The following PCDH15 variants were observed in gnomAD, a reference collection of about 807,000 sequenced individuals.
PCDH15 encodes the protein protocadherin-15.
A neutral mutation model predicts 178.5 loss-of-function variants in PCDH15; 129 were observed. The ratio of observed to expected loss-of-function variants is 0.72; its 90% CI spans 0.63 to 0.84. The LOEUF is 0.84. Ranked by LOEUF, PCDH15 falls within the 40% of genes least tolerant of loss-of-function variation. The probability of loss-of-function intolerance (pLI) is 0.00; values close to 1 mark genes in which losing one functional copy is unlikely to be tolerated. For synonymous variants in PCDH15, 800 were observed against 732.0 expected (o/e 1.09, Z -1.50); for missense variants, 2,230 against 2,099.9 (o/e 1.06, Z -1.21).
chr10:54,022,463 CAT>C (rs34403094), intron 19 of PCDH15, among the ~76,000 whole-genome samples: 46 of 151,118 alleles, frequency 3.0e-4, no homozygotes, highest in African/African-American at 1.0e-3. Flanking sequence ...CACACAAATT[CAT>C]ATATATATAT....
chr10:54,306,807 A>G (rs1054228950), intron 8 of PCDH15, among the ~76,000 whole-genome samples: 6 of 150,822 alleles, frequency 4.0e-5, no homozygotes, highest in African/African-American at 1.2e-4. Flanking sequence ...AAAGAATTAC[A>G]TCCTGTCTAT....
rs556605405 is a variant in PCDH15 at position 55,242,124 on chromosome 10, T to C, written c.-155-75473A>G. 5.3e-5 allele frequency among the ~76,000 whole-genome samples: 8 copies of C among 152,308 alleles called. No homozygotes were observed. In the South Asian group the frequency reaches 6.2e-4, roughly 12 times the overall value. ...GACTAGTGAGGAGGCAGAGTGATTATATGAAATTTTAATAAGTCCAACTAT... is the reference window on the plus strand; with the variant it reads ...GACTAGTGAGGAGGCAGAGTGATTACATGAAATTTTAATAAGTCCAACTAT... On this transcript the variant is annotated intron_variant, in intron 1 of 5. Coordinates refer to the PCDH15 transcript ENST00000458638.
chr10:55,341,796 TATATA>T (rs547068992), intron 2 of PCDH15, among the ~76,000 whole-genome samples: 161 of 12,980 alleles, frequency 0.012, 2 homozygotes, highest in Middle Eastern at 0.024. Flanking sequence ...TATATATATA[TATATA>T]TATATTTTTT....
chr10:55,435,990 C>T (rs1704273087), intron 2 of PCDH15, among the ~76,000 whole-genome samples: 1 of 152,012 alleles, frequency 6.6e-6, no homozygotes, highest in Admixed American at 6.6e-5. Context: ...AATAACATTC[C>T]ATAGTCACAA....
intron 13 of PCDH15, among the ~76,000 whole-genome samples, chr10:54,169,681 C>A (rs1222951113): frequency 2.6e-5 from 4 of 151,576 alleles, no homozygotes; most frequent in Non-Finnish European, 5.9e-5. Context: ...TCCTTGGCGA[C>A]CAATCATGCA....
At chr10:54,309,008 G>A (rs767870916) in intron 8 of PCDH15, among the ~76,000 whole-genome samples, 8 of 151,962 alleles carry the variant, frequency 5.3e-5, no homozygotes, top group Non-Finnish European at 8.8e-5. Flanking sequence ...AAAGGCTGTG[G>A]GCAGTTTGGG....
chr10:55,164,184 G>GA (rs1392585227), intron 2 of PCDH15, among the ~76,000 whole-genome samples: 16 of 151,816 alleles, frequency 1.1e-4, no homozygotes. Context: ...CTTTACATGA[G>GA]AAAAAATATC....
At chr10:55,327,902 A>G (rs1171378430) in intron 2 of PCDH15, among the ~76,000 whole-genome samples, 2 of 152,044 alleles carry the variant, frequency 1.3e-5, no homozygotes, top group African/African-American at 2.4e-5. Context: ...CAAAGACTTC[A>G]TTCATGTTTA....
At chr10:54,189,779 G>C (rs2048796820) in intron 11 of PCDH15, among the ~76,000 whole-genome samples, 1 of 151,862 alleles carries the variant, frequency 6.6e-6, no homozygotes, top group African/African-American at 2.4e-5. Context: ...TGAAAACCTG[G>C]TGGTCTCAGA....
chr10:54,947,291 C>T (rs998669361), intron 2 of PCDH15, among the ~76,000 whole-genome samples: 19 of 151,860 alleles, frequency 1.3e-4, no homozygotes, highest in African/African-American at 4.6e-4. Context: ...TGTTACTAAC[C>T]ATTAACAAGA....
intron 2 of PCDH15, among the ~76,000 whole-genome samples, chr10:55,429,070 T>C (rs1220377508): frequency 1.3e-5 from 2 of 152,032 alleles, no homozygotes; most frequent in South Asian, 2.1e-4. Context: ...ACAAACCCCA[T>C]GTTATATTGT....
At position 53,806,966 on chromosome 10, in the gene PCDH15, C is replaced by T. The variant is rs1841213415; in HGVS notation, c.4836G>A (p.Val1612=). 3.1e-6 allele frequency: 5 copies of T among 1,613,684 alleles called. No homozygotes were observed. The highest frequency in any genetic ancestry group is 4.2e-6 in the Non-Finnish European group (5 of 1,179,828). The part of the protein sequence containing the change: ...NIYIAQNGSV[V]RTRRACLTDN... ...CCGTGAGGCAGGCACGGCGGGTTCT[C>T]ACCACAGAACCATTCTGTGCAATAT... Residue 1612 remains valine (V), a synonymous_variant, in exon 38 of 38, where the codon GTG becomes GTA. Coordinates refer to ENST00000644397, the MANE Select transcript of PCDH15 (RefSeq NM_001384140.1).
intron 3 of PCDH15, among the ~76,000 whole-genome samples, chr10:54,488,317 A>G (rs1565402183): frequency 6.6e-6 from 1 of 151,932 alleles, no homozygotes; most frequent in Non-Finnish European, 1.5e-5. Context: ...TAACTAAAGT[A>G]GAATATTAAA....
chr10:55,258,776 T>TC (rs1842073781), intron 1 of PCDH15, among the ~76,000 whole-genome samples: 1 of 150,560 alleles, frequency 6.6e-6, no homozygotes, highest in African/African-American at 2.4e-5. Context: ...TTTTTTTTTT[T>TC]TTTAATAAAC....
intron 1 of PCDH15, among the ~76,000 whole-genome samples, chr10:54,769,835 T>C (rs540503153): frequency 9.9e-5 from 15 of 152,234 alleles, no homozygotes; most frequent in Non-Finnish European, 4.4e-5. Context: ...ACAATCCTTC[T>C]TTTCTTCTGG....
chr10:55,145,544 A>G (rs1838484110), intron 2 of PCDH15, among the ~76,000 whole-genome samples: 2 of 152,014 alleles, frequency 1.3e-5, no homozygotes, highest in South Asian at 4.2e-4. Context: ...GGAGCTATAA[A>G]CTTTTTCTAC....
rs1236015572 is a variant in PCDH15 at position 55,188,677 on chromosome 10, C to CT, written c.-155-22027dup. ...ACAATTTCCAAACTTTTACAGTATCCTTTTTTTAAAAAAAATAAAGTTATG... is the reference window on the plus strand; with the variant it reads ...ACAATTTCCAAACTTTTACAGTATCCTTTTTTTTAAAAAAAATAAAGTTATG... On this transcript the variant is annotated intron_variant, in intron 1 of 5. Coordinates refer to the PCDH15 transcript ENST00000458638. 3.3e-5 allele frequency among the ~76,000 whole-genome samples: 5 copies of CT among 151,664 alleles called. No individual in the cohort carries two copies. In the South Asian group the frequency reaches 6.2e-4, roughly 19 times the overall value.
At chr10:54,466,517 T>G (rs1285318940) in intron 3 of PCDH15, among the ~76,000 whole-genome samples, 1 of 151,976 alleles carries the variant, frequency 6.6e-6, no homozygotes, top group South Asian at 2.1e-4. Flanking sequence ...GACAATCTAT[T>G]TCTGTTTTAT....
chr10:54,766,937 C>CA (rs200136854), intron 1 of PCDH15, among the ~76,000 whole-genome samples: 5,720 of 145,934 alleles, frequency 0.039, 363 homozygotes, highest in African/African-American at 0.14. Flanking sequence ...CTCAAAAAAA[C>CA]AAAAAAAAAA....
Sources: gnomAD v4.1 joint callset for allele counts (sites outside exome capture counted in the v4.1 genomes callset) on GRCh38, gnomAD v4.1.1 for gene constraint, MANE v1.5 for transcripts, NCBI Gene and HGNC (gene_info 2026-07-23, HGNC 2026-07-21) for gene names.